The following RHOU variants were observed in gnomAD, a reference collection of about 807,000 sequenced individuals.
RHOU encodes the protein ras homolog family member U.
Under a neutral mutation model 12.6 loss-of-function variants are expected in RHOU, and 8 were observed. The observed-to-expected ratio is 0.64, with a 90% CI of 0.37 to 1.15. The LOEUF (loss-of-function observed/expected upper bound fraction) is 1.15. RHOU is among the 50% of genes most tolerant of loss of function. The pLI is 0.01. For synonymous variants in RHOU, 161 were observed against 147.4 expected, an observed-to-expected ratio of 1.09 and a Z score of -0.67; for missense variants, 258 against 347.0, an observed-to-expected ratio of 0.74 and a Z score of 2.04.
At chr1:228,708,523 A>G in the RHOU span, among the ~76,000 whole-genome samples, 2 of 151,698 alleles carry the variant, frequency 1.3e-5, no homozygotes, top group East Asian at 3.9e-4. Flanking sequence ...TAAAGAAAAG[A>G]ATTTTCAACC....
chr1:228,727,150 A>C, the RHOU span, among the ~76,000 whole-genome samples: 1 of 152,234 alleles, frequency 6.6e-6, no homozygotes, highest in Non-Finnish European at 1.5e-5. Flanking sequence ...AGGTCCATTA[A>C]ATAATGTAGC....
the RHOU span, among the ~76,000 whole-genome samples, chr1:228,674,417 G>A: frequency 1.5e-4 from 22 of 150,536 alleles, no homozygotes; most frequent in Middle Eastern, 0.01. Flanking sequence ...TGCAATTTCG[G>A]CTCACTGCAA....
chr1:228,647,526 G>T, the RHOU span, among the ~76,000 whole-genome samples: 3 of 152,346 alleles, frequency 2.0e-5, no homozygotes, highest in East Asian at 1.9e-4. Flanking sequence ...GCGTTCTGGA[G>T]CGGAGATCTT....
the RHOU span, among the ~76,000 whole-genome samples, chr1:228,700,475 C>T: frequency 1.7e-3 from 263 of 152,144 alleles, 1 homozygote; most frequent in Middle Eastern, 0.024. Flanking sequence ...TGTCAGAGTC[C>T]TTTTTATCTT....
At chr1:228,647,617 T>C in the RHOU span, among the ~76,000 whole-genome samples, 2 of 152,262 alleles carry the variant, frequency 1.3e-5, no homozygotes, top group African/African-American at 2.4e-5. Context: ...GATGAGTGAA[T>C]TGAATTGCCT....
At chr1:228,681,016 A>T in the RHOU span, among the ~76,000 whole-genome samples, 1 of 152,224 alleles carries the variant, frequency 6.6e-6, no homozygotes, top group Non-Finnish European at 1.5e-5. Context: ...ACTCTTTCCC[A>T]TTCATCTGGG....
chr1:228,653,689 C>G, the RHOU span, among the ~76,000 whole-genome samples: 1 of 152,200 alleles, frequency 6.6e-6, no homozygotes, highest in Non-Finnish European at 1.5e-5. Context: ...CTCCTGGCCT[C>G]AAGCAATCCT....
chr1:228,683,887 A>G, the RHOU span, among the ~76,000 whole-genome samples: 2 of 152,232 alleles, frequency 1.3e-5, no homozygotes. Flanking sequence ...GAGAGGGGTC[A>G]GGGTAGGTGT....
chr1:228,687,074 T>C, the RHOU span, among the ~76,000 whole-genome samples: 1 of 152,182 alleles, frequency 6.6e-6, no homozygotes, highest in South Asian at 2.1e-4. Flanking sequence ...TAAAAAATTA[T>C]AGTGAGCTGA....
At chr1:228,684,358 T>C in the RHOU span, among the ~76,000 whole-genome samples, 2 of 145,974 alleles carry the variant, frequency 1.4e-5, no homozygotes, top group African/African-American at 2.7e-5. Flanking sequence ...TGAGACTAGG[T>C]CTCATGTGTC....
chr1:228,672,907 C>G, the RHOU span, among the ~76,000 whole-genome samples: 1 of 152,122 alleles, frequency 6.6e-6, no homozygotes, highest in African/African-American at 2.4e-5. Flanking sequence ...ACTTCTTACT[C>G]CCTGCAGGTA....
chr1:228,674,281 A>C, the RHOU span, among the ~76,000 whole-genome samples: 2 of 151,334 alleles, frequency 1.3e-5, no homozygotes, highest in Admixed American at 6.6e-5. Flanking sequence ...CTCTTAATGC[A>C]ATCGTTTGAG....
chr1:228,720,180 A>G, the RHOU span, among the ~76,000 whole-genome samples: 3 of 152,142 alleles, frequency 2.0e-5, no homozygotes, highest in Non-Finnish European at 2.9e-5. Flanking sequence ...ATTAAAAGAA[A>G]AAAAAGGACT....
the RHOU span, among the ~76,000 whole-genome samples, chr1:228,659,301 C>T: frequency 6.6e-6 from 1 of 151,526 alleles, no homozygotes; most frequent in Non-Finnish European, 1.5e-5. Flanking sequence ...TCACTTAAAC[C>T]CGGGAGGCAG....
chr1:228,674,942 G>C, the RHOU span, among the ~76,000 whole-genome samples: 20 of 151,046 alleles, frequency 1.3e-4, no homozygotes, highest in Admixed American at 1.2e-3. Flanking sequence ...TGTTAGCCAG[G>C]ATGGTCTCAA....
Position 228,737,168 on chromosome 1 carries a change from C to T in RHOU, c.263-505C>T, listed in dbSNP as rs1571888698. On this transcript the variant is annotated intron_variant, in intron 1 of 2. Coordinates refer to ENST00000366691, the MANE Select transcript of RHOU (RefSeq NM_021205.6). This position sits in a 1 kb window ranked among gnomAD's most constrained non-coding sequence, Gnocchi z 4.1. ...ACCTGACATAGAGATAAGGAGTGCC[C>T]TCATTTCTTAAACAGGACAATGCGG... Among the ~76,000 whole-genome samples the T allele has an allele frequency of 6.6e-6, 1 of 152,110 alleles. No individual in the cohort carries two copies. The highest frequency in any genetic ancestry group is 6.5e-5 in the Admixed American group (1 of 15,274).
At chr1:228,656,813 C>T in the RHOU span, among the ~76,000 whole-genome samples, 1 of 152,042 alleles carries the variant, frequency 6.6e-6, no homozygotes, top group Non-Finnish European at 1.5e-5. Flanking sequence ...AGCAAAATGA[C>T]AGAAGTAAGT....
At chr1:228,684,344 T>G in the RHOU span, among the ~76,000 whole-genome samples, 1 of 152,038 alleles carries the variant, frequency 6.6e-6, no homozygotes, top group Non-Finnish European at 1.5e-5. Flanking sequence ...GCCAGTTTGT[T>G]TTTTGAGACT....
chr1:228,739,435 G>T (rs147115196), intron 2 of RHOU, among the ~76,000 whole-genome samples: 1,778 of 152,220 alleles, frequency 0.012, 34 homozygotes, highest in African/African-American at 0.041. Flanking sequence ...GTGGTGCCGG[G>T]CGCCTGTAAT....
Sources: allele counts gnomAD v4.1 joint callset (sites outside exome capture counted in the v4.1 genomes callset), GRCh38; gene constraint gnomAD v4.1.1; non-coding constraint Gnocchi (gnomAD v3.1); transcripts MANE v1.5; gene names NCBI Gene and HGNC (gene_info 2026-07-23, HGNC 2026-07-21).